The following MKX variants were observed in gnomAD, a reference collection of about 807,000 sequenced individuals.
MKX encodes the protein mohawk homeobox.
A neutral mutation model predicts 36.0 loss-of-function variants in MKX; 13 were observed. The ratio of observed to expected loss-of-function variants is 0.36; its 90% CI spans 0.24 to 0.57. MKX has a LOEUF of 0.57. MKX is among the 20% of genes least tolerant of loss of function. MKX has a pLI of 0.79. For synonymous variants in MKX, 176 were observed against 178.3 expected (o/e 0.99, Z 0.10); for missense variants, 458 against 456.4 (o/e 1.00, Z -0.03).
intron 5 of MKX, among the ~76,000 whole-genome samples, chr10:27,676,960 C>T (rs909669225): frequency 6.6e-6 from 1 of 152,030 alleles, no homozygotes; most frequent in African/African-American, 2.4e-5. Context: ...TATAAAGAAC[C>T]CACGAAAATG....
At chr10:27,738,784 G>A (rs1461512812) in intron 3 of MKX, among the ~76,000 whole-genome samples, 1 of 152,014 alleles carries the variant, frequency 6.6e-6, no homozygotes, top group African/African-American at 2.4e-5. Flanking sequence ...GGGATAAACT[G>A]GCATCTGTCC....
intron 5 of MKX, among the ~76,000 whole-genome samples, chr10:27,720,959 C>T (rs2132614166): frequency 6.6e-6 from 1 of 152,202 alleles, no homozygotes; most frequent in South Asian, 2.1e-4. Flanking sequence ...AAGAACTCAT[C>T]TGCAATAGAA....
In MKX at chr10:27,687,363, C is replaced by T. The variant is rs113204502; in HGVS notation, c.839-11809G>A. Among the ~76,000 whole-genome samples, 1,286 of 152,300 alleles carry T rather than the reference C, an allele frequency of 8.4e-3. 30 individuals are homozygous for T. Among genetic ancestry groups the T allele is most frequent in the African/African-American group, 0.029 (1,207 of 41,568 alleles). On this transcript the variant is annotated intron_variant, in intron 5 of 6. Coordinates refer to ENST00000419761, the MANE Select transcript of MKX (RefSeq NM_173576.3). ...TCCCTAGTTAAAATGGGGATATTTTCATATCTCGAAGCTCTCAGGCTAGGT... is the reference window on the plus strand; with the variant it reads ...TCCCTAGTTAAAATGGGGATATTTTTATATCTCGAAGCTCTCAGGCTAGGT...
At chr10:27,714,921 G>A (rs1036715250) in intron 5 of MKX, among the ~76,000 whole-genome samples, 1 of 152,164 alleles carries the variant, frequency 6.6e-6, no homozygotes, top group East Asian at 1.9e-4. Context: ...GGTGTAAGTC[G>A]AATCTACAGG....
At chr10:27,698,585 T>G (rs926556346) in intron 5 of MKX, among the ~76,000 whole-genome samples, 4 of 152,114 alleles carry the variant, frequency 2.6e-5, no homozygotes, top group Non-Finnish European at 2.9e-5. Context: ...CGGCATTGTC[T>G]GAGGAAGGGG....
At chr10:27,698,206 A>G (rs1836588856) in intron 5 of MKX, among the ~76,000 whole-genome samples, 1 of 152,216 alleles carries the variant, frequency 6.6e-6, no homozygotes, top group South Asian at 2.1e-4. Flanking sequence ...GAGAGAGATC[A>G]GCAGAGACCA....
At chr10:27,678,919 A>G (rs1836202575) in intron 5 of MKX, among the ~76,000 whole-genome samples, 1 of 152,208 alleles carries the variant, frequency 6.6e-6, no homozygotes, top group Non-Finnish European at 1.5e-5. Flanking sequence ...TTTGAAGTGC[A>G]AAAACGTAGA....
chr10:27,694,290 G>C (rs1371068405), intron 5 of MKX, among the ~76,000 whole-genome samples: 1 of 151,978 alleles, frequency 6.6e-6, no homozygotes, highest in Non-Finnish European at 1.5e-5. Context: ...AGAAAAGGAA[G>C]CAAACATGAC....
At chr10:27,675,461 T>C (rs1180496570) in intron 6 of MKX, 46 bp from the exon 7 acceptor site, 5 of 1,613,822 alleles carry the variant, frequency 3.1e-6, no homozygotes, top group Non-Finnish European at 4.2e-6. Flanking sequence ...CTCACTGCAG[T>C]TTGCATTGAA....
intron 5 of MKX, among the ~76,000 whole-genome samples, chr10:27,701,193 G>A (rs2492917): frequency 0.78 from 118,182 of 151,770 alleles, 46,209 homozygotes; most frequent in Admixed American, 0.83. Flanking sequence ...GTTAGTTAAC[G>A]TAAGTGATGA....
chr10:27,689,846 C>T (rs1306417546), intron 5 of MKX, among the ~76,000 whole-genome samples: 1 of 152,136 alleles, frequency 6.6e-6, no homozygotes. Context: ...CCACTCTGCT[C>T]CTAGAGAAAG....
At chr10:27,698,269 T>C (rs547279740) in intron 5 of MKX, among the ~76,000 whole-genome samples, 1 of 152,106 alleles carries the variant, frequency 6.6e-6, no homozygotes, top group Non-Finnish European at 1.5e-5. Flanking sequence ...GTGAACTCTA[T>C]CCTGACAGGC....
intron 5 of MKX, among the ~76,000 whole-genome samples, chr10:27,701,825 GTGTATATATA>G (rs748048424): frequency 0.034 from 1,042 of 30,646 alleles, 17 homozygotes; most frequent in East Asian, 0.33. Flanking sequence ...GTGTGTGTGT[GTGTATATATA>G]TATATATATA....
chr10:27,698,014 A>G (rs1353816575), intron 5 of MKX, among the ~76,000 whole-genome samples: 1 of 152,202 alleles, frequency 6.6e-6, no homozygotes, highest in Non-Finnish European at 1.5e-5. Flanking sequence ...AAAGATTGGA[A>G]TGCCTCAGCC....
intron 5 of MKX, among the ~76,000 whole-genome samples, chr10:27,717,355 T>A (rs953166111): frequency 2.0e-5 from 3 of 152,210 alleles, no homozygotes; most frequent in African/African-American, 7.2e-5. Flanking sequence ...AACTAATACA[T>A]ATGCATTAAA....
At chr10:27,709,907 AT>A (rs34290430) in intron 5 of MKX, among the ~76,000 whole-genome samples, 2 of 152,212 alleles carry the variant, frequency 1.3e-5, no homozygotes, top group East Asian at 1.9e-4. Context: ...AAGTGAAAGT[AT>A]TTTTAATAAA....
chr10:27,678,053 C>A (rs1307100057), intron 5 of MKX, among the ~76,000 whole-genome samples: 1 of 152,226 alleles, frequency 6.6e-6, no homozygotes, highest in Non-Finnish European at 1.5e-5. Flanking sequence ...TTACAGATCA[C>A]TTACTACGTG....
chr10:27,731,991 A>AT (rs3063021), intron 5 of MKX, among the ~76,000 whole-genome samples: 2 of 151,918 alleles, frequency 1.3e-5, no homozygotes, highest in South Asian at 4.1e-4. Flanking sequence ...TGTATTTGTC[A>AT]TTTTTTTTTA....
intron 5 of MKX, among the ~76,000 whole-genome samples, chr10:27,699,635 G>T (rs2815570): frequency 0.78 from 118,431 of 152,058 alleles, 46,326 homozygotes; most frequent in Admixed American, 0.83. Flanking sequence ...AACAAAAAAG[G>T]CTTTCTTATA....
Sources: allele counts gnomAD v4.1 joint callset (sites outside exome capture counted in the v4.1 genomes callset), GRCh38; gene constraint gnomAD v4.1.1; transcripts MANE v1.5; gene names NCBI Gene and HGNC (gene_info 2026-07-23, HGNC 2026-07-21).